MIER3: variants seen among roughly 807,000 people sequenced by gnomAD.
MIER3 encodes MIER family member 3.
In MIER3, 9 loss-of-function variants were observed where a neutral mutation model predicts 63.2. The observed-to-expected ratio is 0.14, with a 90% CI of 0.09 to 0.25. MIER3 has a LOEUF of 0.25. MIER3 is among the 10% of genes least tolerant of loss of function. MIER3 has a pLI of 1.00. For missense variants in MIER3, 512 were observed against 666.2 expected (o/e 0.77, Z 2.55); for synonymous variants, 205 against 224.9 (o/e 0.91, Z 0.79).
rs1028701162 is a variant in MIER3, at chr5:56,920,116, G to C, written c.*3012C>G. 5 of 152,464 alleles carry C rather than the reference G, an allele frequency of 3.3e-5. No homozygotes were observed. Among genetic ancestry groups the C allele is most frequent in the Non-Finnish European group, 7.4e-5 (5 of 67,968 alleles). 9.4% of individuals were successfully genotyped at this position (152,464 alleles called of 1,614,324 possible). The stretch of plus-strand genomic sequence containing the variant: ...AGATCTGATGTTCTCAAATATTTAT[G>C]AGCCTCAACATTTTAAAAATTAAAA... On this transcript the variant is annotated 3_prime_UTR_variant, in exon 13 of 13. Coordinates refer to ENST00000381199, the MANE Select transcript of MIER3 (RefSeq NM_001297599.2).
intron 3 of MIER3, among the ~76,000 whole-genome samples, chr5:56,943,728 A>C (rs951807504): frequency 6.6e-6 from 1 of 152,212 alleles, no homozygotes; most frequent in Admixed American, 6.5e-5. Context: ...TAAAGCACTT[A>C]AGTCCTTTAA....
chr5:56,943,530 T>C (rs932848704), intron 3 of MIER3, among the ~76,000 whole-genome samples: 3 of 152,086 alleles, frequency 2.0e-5, no homozygotes, highest in African/African-American at 7.2e-5. Flanking sequence ...GGAATGACCA[T>C]CTGTTGAGGG....
At position 56,950,516 on chromosome 5, in the gene MIER3, C is replaced by A. The variant is rs190547968; in HGVS notation, c.34+112G>T. On this transcript the variant is annotated intron_variant, in intron 2 of 12. Coordinates refer to ENST00000381199, the MANE Select transcript of MIER3 (RefSeq NM_001297599.2). ...AATGCACACTGAAACTCTTAAAAAT[C>A]AATGAAGAAAAACCTGCAGGATACA... The A allele has an allele frequency of 9.6e-6, 11 of 1,151,594 alleles. No individual in the cohort carries two copies. In the African/African-American group the frequency reaches 1.4e-4, roughly 15 times the overall value. The allele number at this position is 1,151,594 out of a possible 1,614,324, so 71.3% of individuals were successfully genotyped here. A position where few individuals can be genotyped will look rare whatever the true frequency, so the allele number is the denominator to read the frequency against.
chr5:56,946,314 C>A (rs896019064), intron 3 of MIER3, among the ~76,000 whole-genome samples: 1 of 152,122 alleles, frequency 6.6e-6, no homozygotes, highest in Admixed American at 6.5e-5. Context: ...CCTATAGGGA[C>A]CTCTCTATAT....
rs116563691 is a variant in MIER3 at position 56,919,918 on chromosome 5, A to G, written c.*3210T>C. ...AAAAATTAGGAACTTTTTAAAAAACATAGTAACGTCAATATTTTATAAATT... is the reference window on the plus strand; with the variant it reads ...AAAAATTAGGAACTTTTTAAAAAACGTAGTAACGTCAATATTTTATAAATT... On this transcript the variant is annotated 3_prime_UTR_variant, in exon 13 of 13. Coordinates refer to ENST00000381199, the MANE Select transcript of MIER3 (RefSeq NM_001297599.2). 1.5e-3 allele frequency: 234 copies of G among 152,766 alleles called. 1 individual carries two copies. The highest frequency in any genetic ancestry group is 5.2e-3 in the African/African-American group (216 of 41,586). 9.5% of individuals were successfully genotyped at this position (152,766 alleles called of 1,614,324 possible). A position where few individuals can be genotyped will look rare whatever the true frequency, so the allele number is the denominator to read the frequency against.
chr5:56,947,287 CT>C (rs1750857473), intron 2 of MIER3: 1 of 451,584 alleles, frequency 2.2e-6, no homozygotes, highest in Non-Finnish European at 3.8e-6. Flanking sequence ...TTCACAAACA[CT>C]TTTATAAGGG....
intron 3 of MIER3, among the ~76,000 whole-genome samples, chr5:56,946,055 A>G (rs1750814607): frequency 6.6e-6 from 1 of 152,200 alleles, no homozygotes; most frequent in Non-Finnish European, 1.5e-5. Flanking sequence ...GTGGGCAGTT[A>G]AGTCACTCTT....
chr5:56,942,452 T>C (rs1420319630), intron 3 of MIER3, among the ~76,000 whole-genome samples: 1 of 152,002 alleles, frequency 6.6e-6, no homozygotes, highest in Non-Finnish European at 1.5e-5. Context: ...AACACAGGAG[T>C]CTAAATGGAT....
Position 56,937,075 on chromosome 5 carries a change from A to G in MIER3, c.436+503T>C, listed in dbSNP as rs905611436. 3 of 150,996 alleles carry G rather than the reference A, an allele frequency of 2.0e-5. No individual in the cohort carries two copies. In the East Asian group the frequency reaches 5.9e-4, roughly 30 times the overall value. 9.4% of individuals were successfully genotyped at this position (150,996 alleles called of 1,614,324 possible). ...AATATTTCCATTTTTATTTTATCTT[A>G]TTATTATTATTATTATTGAGACAGA... On this transcript the variant is annotated intron_variant, in intron 5 of 12. Transcript: ENST00000381199.
At chr5:56,924,778 C>T (rs1029121848) in intron 10 of MIER3, among the ~76,000 whole-genome samples, 4 of 152,236 alleles carry the variant, frequency 2.6e-5, no homozygotes, top group African/African-American at 9.6e-5. Context: ...CAAAATTCTT[C>T]ATCCTTATCC....
chr5:56,941,042 C>G (rs1750627426), intron 3 of MIER3: 1 of 985,264 alleles, frequency 1.0e-6, no homozygotes, highest in African/African-American at 1.7e-5. Flanking sequence ...TTACTCAGTT[C>G]TAAGTGCTTG....
Position 56,923,117 on chromosome 5 carries a change from C to T in MIER3, c.*11G>A. 1 of 1,609,008 alleles carries T rather than the reference C, an allele frequency of 6.2e-7. No individual in the cohort carries two copies. The highest frequency in any genetic ancestry group is 8.5e-7 in the Non-Finnish European group (1 of 1,175,934). ...GGTGCTGCACACGCAGTTCCGGGAT[C>T]CTCACTCAGGTCACTCAGAGTGTAG... On this transcript the variant is annotated 3_prime_UTR_variant, in exon 13 of 13. Transcript: ENST00000381199.
At chr5:56,934,334 G>T (rs951306733) in intron 7 of MIER3, among the ~76,000 whole-genome samples, 4 of 152,200 alleles carry the variant, frequency 2.6e-5, no homozygotes, top group Non-Finnish European at 5.9e-5. Flanking sequence ...ACTTTTGAGA[G>T]AAGTTCCTAG....
At chr5:56,928,663 G>GAACAT in intron 10 of MIER3, 104 bp downstream of exon 10, 1 of 669,402 alleles carries the variant, frequency 1.5e-6, no homozygotes, top group Non-Finnish European at 2.5e-6. Context: ...TGCTATAAGG[G>GAACAT]AACATTAGTA....
chr5:56,937,067 TTTATC>T (rs1231975087), intron 5 of MIER3: 2 of 151,766 alleles, frequency 1.3e-5, no homozygotes, highest in African/African-American at 4.8e-5. Flanking sequence ...CCATTTTTAT[TTTATC>T]TTATTATTAT....
intron 3 of MIER3, 100 bp downstream of exon 3, chr5:56,946,826 A>G (rs1750839914): frequency 8.5e-6 from 8 of 940,190 alleles, no homozygotes; most frequent in Non-Finnish European, 1.2e-5. Flanking sequence ...GAAAAAAAAA[A>G]GGATTATGAT....
rs117252139 is a variant in MIER3, at chr5:56,926,017, G to T, written c.925-1975C>A. Among the ~76,000 whole-genome samples, 138 of 152,036 alleles carry T rather than the reference G, an allele frequency of 9.1e-4. 2 individuals carry two copies. The East Asian group carries it at 0.022, about 25-fold the overall frequency. On this transcript the variant is annotated intron_variant, in intron 10 of 12. Coordinates refer to ENST00000381199, the MANE Select transcript of MIER3 (RefSeq NM_001297599.2). ...GAGGAAGAATGTCTTTTCCACAAAT[G>T]ATGCTAGTACAACTGGACATCCACA... is the stretch of plus-strand genomic sequence containing the variant.
At position 56,927,292 on chromosome 5, in the gene MIER3, T is replaced by C. The variant is rs750539765; in HGVS notation, c.924+1475A>G. On this transcript the variant is annotated intron_variant, in intron 10 of 12. Coordinates refer to ENST00000381199, the MANE Select transcript of MIER3 (RefSeq NM_001297599.2). The stretch of plus-strand genomic sequence containing the variant: ...ATATTGGCTCATTAATTTTAACAAA[T>C]GTACCACACTATTAATAATAAAAGA... Among the ~76,000 whole-genome samples the C allele has an allele frequency of 9.2e-5, 14 of 152,214 alleles. 1 individual carries two copies. Among genetic ancestry groups the C allele is most frequent in the Admixed American group, 2.6e-4 (4 of 15,280 alleles).
chr5:56,937,499 A>G, intron 5 of MIER3, 79 bp downstream of exon 5: 1 of 1,325,858 alleles, frequency 7.5e-7, no homozygotes, highest in Non-Finnish European at 1.0e-6. Flanking sequence ...ATTCTGACAC[A>G]AATTACTGAA....
Sources: allele counts gnomAD v4.1 joint callset (sites outside exome capture counted in the v4.1 genomes callset), GRCh38; gene constraint gnomAD v4.1.1; transcripts MANE v1.5; gene names NCBI Gene and HGNC (gene_info 2026-07-23, HGNC 2026-07-21).